Variants in FER observed in about 807,000 individuals in gnomAD.
FER encodes the protein FER tyrosine kinase, also known as tyrosine-protein kinase Fer.
In FER, 63 loss-of-function variants were observed where a neutral mutation model predicts 111.0. That is an observed-to-expected ratio of 0.57 (90% CI 0.46 to 0.70). The LOEUF is 0.70. Among genes scored for constraint, FER ranks in the 30% least tolerant of loss-of-function variants. FER has a pLI of 0.00. For missense variants in FER, 914 were observed against 954.0 expected (o/e 0.96, Z 0.55); for synonymous variants, 327 against 313.9 (o/e 1.04, Z -0.44).
In FER at chr5:109,153,762, A is replaced by G. The variant is rs1359798070; in HGVS notation, c.2049-26985A>G. 9.2e-5 allele frequency among the ~76,000 whole-genome samples: 14 copies of G among 152,032 alleles called. No homozygotes were observed. The East Asian group carries it at 2.7e-3, about 29-fold the overall frequency. On this transcript the variant is annotated intron_variant, in intron 17 of 19. Transcript: ENST00000281092. ...GAGGCCCAGTGATGTATAGCTAGTA[A>G]TAAGTGGCAGACTCTGAATTTGAAC...
At chr5:108,887,290 T>A (rs572287067) in intron 9 of FER, among the ~76,000 whole-genome samples, 22 of 151,842 alleles carry the variant, frequency 1.4e-4, no homozygotes, top group African/African-American at 4.8e-4. Context: ...ATTTTTATAA[T>A]TTGAATTTAA....
At chr5:109,036,212 A>G (rs1770373093) in intron 13 of FER, among the ~76,000 whole-genome samples, 1 of 152,016 alleles carries the variant, frequency 6.6e-6, no homozygotes, top group Non-Finnish European at 1.5e-5. Flanking sequence ...TCTCTAAGAA[A>G]CCTTCACTTA....
At chr5:109,169,980 G>A (rs1756936869) in intron 17 of FER, among the ~76,000 whole-genome samples, 1 of 152,140 alleles carries the variant, frequency 6.6e-6, no homozygotes, top group African/African-American at 2.4e-5. Context: ...TAATTAGGGT[G>A]TATTTATTCA....
intron 3 of FER, among the ~76,000 whole-genome samples, chr5:108,828,930 T>C (rs1759752941): frequency 6.6e-6 from 1 of 152,204 alleles, no homozygotes; most frequent in East Asian, 1.9e-4. Flanking sequence ...AGACCCTGTC[T>C]CTATTTTTTT....
chr5:109,052,105 G>A (rs1393096330), intron 16 of FER: 1 of 1,605,238 alleles, frequency 6.2e-7, no homozygotes, highest in African/African-American at 1.3e-5. Flanking sequence ...GACACCATCA[G>A]TTTGGGCAAC....
At chr5:109,127,869 C>T (rs1751913493) in intron 17 of FER, among the ~76,000 whole-genome samples, 2 of 152,020 alleles carry the variant, frequency 1.3e-5, no homozygotes, top group African/African-American at 4.8e-5. Context: ...TGTATGTGTT[C>T]TGTAATTAAA....
intron 17 of FER, among the ~76,000 whole-genome samples, chr5:109,170,843 A>C (rs1325299195): frequency 1.3e-5 from 2 of 152,152 alleles, no homozygotes; most frequent in African/African-American, 4.8e-5. Context: ...GCTCTTTGCC[A>C]GGACCATCTA....
At chr5:108,750,790 A>G (rs1750401632) in intron 1 of FER, among the ~76,000 whole-genome samples, 1 of 152,242 alleles carries the variant, frequency 6.6e-6, no homozygotes, top group African/African-American at 2.4e-5. Flanking sequence ...ACAATGCAGA[A>G]GAGTCGAGTT....
In FER at chr5:108,873,432, A is replaced by G. The variant is rs549899898; in HGVS notation, c.923+1220A>G. ...AGTGCTGGGATTACAGGCGTGAGCC[A>G]CTGTGCCCAGCCAGGTTTTGGAATC... On this transcript the variant is annotated intron_variant, in intron 8 of 19. Transcript: ENST00000281092. 2.0e-5 allele frequency among the ~76,000 whole-genome samples: 3 copies of G among 152,324 alleles called. No individual in the cohort carries two copies. The East Asian group carries it at 5.8e-4, about 29-fold the overall frequency.
chr5:108,857,589 A>G (rs1763124680), intron 5 of FER, among the ~76,000 whole-genome samples: 1 of 152,250 alleles, frequency 6.6e-6, no homozygotes, highest in Non-Finnish European at 1.5e-5. Context: ...ACTAGTTTTT[A>G]TGTCTATCAA....
At chr5:108,867,151 G>C (rs1764149182) in intron 5 of FER, among the ~76,000 whole-genome samples, 1 of 152,020 alleles carries the variant, frequency 6.6e-6, no homozygotes, top group South Asian at 2.1e-4. Flanking sequence ...TCTATTTCAA[G>C]GACTGTTTTG....
intron 16 of FER, among the ~76,000 whole-genome samples, chr5:109,074,481 G>A (rs532566489): frequency 1.2e-4 from 19 of 152,270 alleles, no homozygotes; most frequent in Admixed American, 8.5e-4. Flanking sequence ...TACCACATTC[G>A]TAGTGACTAC....
At chr5:108,997,337 G>C (rs1764122895) in intron 13 of FER, among the ~76,000 whole-genome samples, 1 of 149,734 alleles carries the variant, frequency 6.7e-6, no homozygotes, top group Admixed American at 6.7e-5. Flanking sequence ...AGAATGGCGT[G>C]AACCCAGGAG....
rs567632631 is a variant in FER, at chr5:108,883,320, T to C, written c.924-76T>C. 1.5e-5 allele frequency: 21 copies of C among 1,364,040 alleles called. No individual in the cohort carries two copies. The African/African-American group carries it at 3.0e-4, about 19-fold the overall frequency. The allele number at this position is 1,364,040 out of a possible 1,614,324, so 84.5% of individuals were successfully genotyped here. On this transcript the variant is annotated intron_variant, in intron 8 of 19. Coordinates refer to ENST00000281092, the MANE Select transcript of FER (RefSeq NM_005246.4). ...CTGTTTTGGACATTGCAACATAAGA[T>C]GTATGAATACTTTTTTGATATGTAT...
chr5:109,123,354 C>T (rs1403069191), intron 17 of FER, among the ~76,000 whole-genome samples: 4 of 151,898 alleles, frequency 2.6e-5, no homozygotes, highest in Non-Finnish European at 5.9e-5. Flanking sequence ...GACAGGGTTT[C>T]ACCGTGTTAG....
chr5:109,180,371 G>A lies in FER; in HGVS notation c.2049-376G>A, dbSNP rs540674656. 6.6e-5 allele frequency among the ~76,000 whole-genome samples: 10 copies of A among 152,304 alleles called. No homozygotes were observed. The South Asian group carries it at 2.1e-3, about 32-fold the overall frequency. ...TGGTCACACTAGCCACATTGCAGGT[G>A]TCCAGCAGCACATGTGGCAGATGGC... On this transcript the variant is annotated intron_variant, in intron 17 of 19. Transcript: ENST00000281092.
intron 5 of FER, among the ~76,000 whole-genome samples, chr5:108,843,403 A>G (rs528664859): frequency 1.3e-5 from 2 of 152,190 alleles, no homozygotes; most frequent in South Asian, 4.1e-4. Flanking sequence ...TTTATATATG[A>G]GTACATTTAT....
chr5:109,090,142 G>C (rs1157683923), intron 16 of FER, among the ~76,000 whole-genome samples: 1 of 152,174 alleles, frequency 6.6e-6, no homozygotes, highest in Admixed American at 6.5e-5. Flanking sequence ...GGGGCACTGA[G>C]AACCAAGGAG....
chr5:108,891,030 G>A (rs186829778), intron 9 of FER, among the ~76,000 whole-genome samples: 17 of 152,142 alleles, frequency 1.1e-4, no homozygotes, highest in Admixed American at 1.1e-3. Flanking sequence ...CCAGCATTTG[G>A]TGGTGTCACT....
Sources: gnomAD v4.1 joint callset for allele counts (sites outside exome capture counted in the v4.1 genomes callset) on GRCh38, gnomAD v4.1.1 for gene constraint, MANE v1.5 for transcripts, NCBI Gene and HGNC (gene_info 2026-07-23, HGNC 2026-07-21) for gene names.